Variants in DSCAML1 observed in about 807,000 individuals in gnomAD.
The protein encoded by DSCAML1 is DS cell adhesion molecule like 1, also known as cell adhesion molecule DSCAML1.
In DSCAML1, 38 loss-of-function variants were observed where a neutral mutation model predicts 200.5. That is an observed-to-expected ratio of 0.19 (90% CI 0.15 to 0.25). The LOEUF (loss-of-function observed/expected upper bound fraction) is 0.25, where lower values mean the gene tolerates loss of function less well. DSCAML1 is among the 10% of genes least tolerant of loss of function. The probability of loss-of-function intolerance (pLI) is 1.00; values close to 1 mark genes in which losing one functional copy is unlikely to be tolerated. For synonymous variants in DSCAML1, 1,215 were observed against 1,165.0 expected, an observed-to-expected ratio of 1.04 and a Z score of -0.87; for missense variants, 2,223 against 2,858.8, an observed-to-expected ratio of 0.78 and a Z score of 5.07.
intron 3 of DSCAML1, among the ~76,000 whole-genome samples, chr11:117,684,182 C>G (rs2053360822): frequency 6.6e-6 from 1 of 152,136 alleles, no homozygotes; most frequent in South Asian, 2.1e-4. Flanking sequence ...GTCCCTGTGC[C>G]CATGTGCCAA....
intron 3 of DSCAML1, among the ~76,000 whole-genome samples, chr11:117,557,878 G>C (rs905736650): frequency 6.6e-6 from 1 of 152,154 alleles, no homozygotes; most frequent in Admixed American, 6.5e-5. Context: ...ATATGGCAAT[G>C]TGTGGAGGCA....
intron 11 of DSCAML1, among the ~76,000 whole-genome samples, chr11:117,501,920 A>G (rs2049403435): frequency 6.6e-6 from 1 of 152,166 alleles, no homozygotes; most frequent in South Asian, 2.1e-4. Context: ...GGTTCTGCCC[A>G]GCAGTGACTG....
rs568884993 is a variant in DSCAML1 at position 117,516,372 on chromosome 11, G to A, written c.1783+95C>T. ...CTTGCTCAGCCTTCCGTTCACCCAG[G>A]ATTGCCTATTGTTGTCTGAGTCCCA... On this transcript the variant is annotated intron_variant, in intron 8 of 32. Coordinates refer to ENST00000651296, the MANE Select transcript of DSCAML1 (RefSeq NM_020693.4). This position sits in a 1 kb window ranked among gnomAD's most constrained non-coding sequence, Gnocchi z 5.7. 2.0e-6 allele frequency: 3 copies of A among 1,470,520 alleles called. No homozygotes were observed. The highest frequency in any genetic ancestry group is 1.4e-5 in the African/African-American group (1 of 71,704). 91.1% of individuals were successfully genotyped at this position (1,470,520 alleles called of 1,614,324 possible).
intron 6 of DSCAML1, 70 bp downstream of exon 6, chr11:117,521,060 C>G (rs1352888579): frequency 1.3e-6 from 2 of 1,570,760 alleles, no homozygotes; most frequent in East Asian, 4.5e-5. Context: ...TTGCTCCCAC[C>G]TCAGCAGAAG....
chr11:117,813,684 C>T, intron 1 of DSCAML1, among the ~76,000 whole-genome samples: 1 of 152,068 alleles, frequency 6.6e-6, no homozygotes. Context: ...AATGTTTCTT[C>T]TAACAACCCC....
At chr11:117,797,837 G>A (rs1306391297), upstream of DSCAML1, among the ~76,000 whole-genome samples, 2 of 126,666 alleles carry the variant, frequency 1.6e-5, no homozygotes, top group Non-Finnish European at 3.3e-5. Context: ...GCAGTTTAAT[G>A]TCTACGCTAC....
intron 3 of DSCAML1, among the ~76,000 whole-genome samples, chr11:117,744,362 T>C (rs2137848779): frequency 6.6e-6 from 1 of 152,238 alleles, no homozygotes; most frequent in East Asian, 1.9e-4. Context: ...CGACACTTGT[T>C]AAATGCAGAT....
intron 11 of DSCAML1, among the ~76,000 whole-genome samples, chr11:117,494,107 A>T (rs2049245261): frequency 6.6e-6 from 1 of 152,188 alleles, no homozygotes; most frequent in Non-Finnish European, 1.5e-5. Flanking sequence ...TCCATTTTAG[A>T]CATGAGAAAA....
At chr11:117,623,216 C>CTTTTTTTTTTTTTTTTTTTTTTTTTTTT (rs56343852) in intron 3 of DSCAML1, among the ~76,000 whole-genome samples, 1 of 121,110 alleles carries the variant, frequency 8.3e-6, no homozygotes, top group Non-Finnish European at 1.6e-5. Context: ...CTTTTCTTTT[C>CTTTTTTTTTTTTTTTTTTTTTTTTTTTT]TTTTTTTTTT....
intron 4 of DSCAML1, among the ~76,000 whole-genome samples, chr11:117,525,478 A>G (rs927182918): frequency 7.9e-5 from 12 of 151,040 alleles, no homozygotes; most frequent in African/African-American, 2.4e-4. Flanking sequence ...TTTTTTTGAA[A>G]TGGAGTCTCA....
Position 117,465,043 on chromosome 11 carries a change from T to C in DSCAML1, c.3164A>G (p.Asn1055Ser), listed in dbSNP as rs767473015. ...CCCATACTGGGCGAACTTCTTGAGGTTGTCCAGGGTGTAGACCTCGCTGTC... is the reference window on the plus strand; with the variant it reads ...CCCATACTGGGCGAACTTCTTGAGGCTGTCCAGGGTGTAGACCTCGCTGTC... ...TGDSEVYTLD[N>S]LKKFAQYGVV... Residue 1055 changes from asparagine (N) to serine (S), a missense_variant, in exon 17 of 33, where the codon AAC becomes AGC. Physicochemically the swap from Asn to Ser is conservative, Grantham distance 46. Transcript: ENST00000651296. 1.9e-5 allele frequency: 30 copies of C among 1,613,992 alleles called. No homozygotes were observed. Among genetic ancestry groups the C allele is most frequent in the Non-Finnish European group, 2.5e-5 (30 of 1,179,978 alleles).
intron 3 of DSCAML1, among the ~76,000 whole-genome samples, chr11:117,544,554 G>A (rs888364402): frequency 6.6e-6 from 1 of 152,118 alleles, no homozygotes; most frequent in Non-Finnish European, 1.5e-5. Flanking sequence ...GGTTCCACCT[G>A]CTGATGGTGA....
chr11:117,817,150 C>G (rs1222596243), intron 1 of DSCAML1, among the ~76,000 whole-genome samples: 2 of 152,318 alleles, frequency 1.3e-5, no homozygotes, highest in East Asian at 3.9e-4. Flanking sequence ...CTACCCAGCT[C>G]TTCCTGTTCA....
chr11:117,429,724 C>T (rs896049545), intron 32 of DSCAML1, among the ~76,000 whole-genome samples: 9 of 152,192 alleles, frequency 5.9e-5, no homozygotes, highest in Non-Finnish European at 1.0e-4. Context: ...CTAAGACCTC[C>T]ACCGCCTGAC....
intron 3 of DSCAML1, among the ~76,000 whole-genome samples, chr11:117,757,620 A>ACACACACAC (rs1565266292): frequency 1.4e-5 from 2 of 139,288 alleles, no homozygotes; most frequent in Admixed American, 7.3e-5. Flanking sequence ...ACACACACAC[A>ACACACACAC]ATTATTTTTC....
chr11:117,636,733 G>A (rs2052294262), intron 3 of DSCAML1, among the ~76,000 whole-genome samples: 1 of 152,122 alleles, frequency 6.6e-6, no homozygotes, highest in Non-Finnish European at 1.5e-5. Context: ...GTAACCCTAG[G>A]CAATTCTTGA....
chr11:117,762,277 T>C (rs2054817306), intron 3 of DSCAML1, among the ~76,000 whole-genome samples: 1 of 152,070 alleles, frequency 6.6e-6, no homozygotes, highest in Admixed American at 6.6e-5. Context: ...GGCCAAGTGT[T>C]TTCCCATTCA....
chr11:117,578,582 A>G (rs10892139), intron 3 of DSCAML1, among the ~76,000 whole-genome samples: 36,748 of 152,082 alleles, frequency 0.24, 4,996 homozygotes, highest in Non-Finnish European at 0.31. Context: ...AGGTGGGAGG[A>G]TAGCCTGAGT....
intron 3 of DSCAML1, among the ~76,000 whole-genome samples, chr11:117,695,315 C>CTTTTTTTTTTTTTTTTTTT (rs753748981): frequency 1.3e-3 from 156 of 116,608 alleles, no homozygotes; most frequent in Non-Finnish European, 1.7e-3. Flanking sequence ...CTTTCTTTTT[C>CTTTTTTTTTTTTTTTTTTT]TTTTTTTTTT....
Sources: allele counts gnomAD v4.1 joint callset (sites outside exome capture counted in the v4.1 genomes callset), GRCh38; gene constraint gnomAD v4.1.1; non-coding constraint Gnocchi (gnomAD v3.1); transcripts MANE v1.5; gene names NCBI Gene and HGNC (gene_info 2026-07-23, HGNC 2026-07-21).